The following DOCK3 variants were observed in gnomAD, a reference collection of about 807,000 sequenced individuals.
DOCK3 encodes the protein dedicator of cytokinesis protein 3.
Under a neutral mutation model 265.6 loss-of-function variants are expected in DOCK3, and 60 were observed. The ratio of observed to expected loss-of-function variants is 0.23; its 90% CI spans 0.18 to 0.28. DOCK3 has a LOEUF of 0.28. Ranked by LOEUF, DOCK3 falls within the 10% of genes least tolerant of loss-of-function variation. The pLI, the probability that DOCK3 is intolerant of heterozygous loss-of-function variation, is 1.00. For synonymous variants in DOCK3, 881 were observed against 938.0 expected (o/e 0.94, Z 1.11); for missense variants, 1,981 against 2,594.3 (o/e 0.76, Z 5.14).
intron 5 of DOCK3, among the ~76,000 whole-genome samples, chr3:51,043,698 T>C (rs1323333184): frequency 1.3e-5 from 2 of 151,788 alleles, no homozygotes; most frequent in Non-Finnish European, 2.9e-5. Flanking sequence ...AAATGTTTGA[T>C]ATCTAGTATC....
intron 1 of DOCK3, among the ~76,000 whole-genome samples, chr3:50,727,868 G>T (rs1246493052): frequency 2.0e-5 from 3 of 152,156 alleles, no homozygotes; most frequent in African/African-American, 7.2e-5. Flanking sequence ...AATAGCTGGA[G>T]ATTTTAACAT....
chr3:51,316,582 A>T (rs1263442048), intron 32 of DOCK3, among the ~76,000 whole-genome samples: 1 of 152,246 alleles, frequency 6.6e-6, no homozygotes. Context: ...AAGTCTCAGC[A>T]GCAGTATATA....
At chr3:50,931,235 C>A (rs1452538059) in intron 4 of DOCK3, among the ~76,000 whole-genome samples, 2 of 152,208 alleles carry the variant, frequency 1.3e-5, no homozygotes, top group African/African-American at 4.8e-5. Flanking sequence ...AGGGCTCTCT[C>A]TCCACCTGCT....
chr3:51,005,206 T>G (rs2078634880), intron 5 of DOCK3, among the ~76,000 whole-genome samples: 1 of 151,970 alleles, frequency 6.6e-6, no homozygotes. Context: ...TCACTTTGAG[T>G]TTATTTTCTC....
At chr3:51,362,091 G>A (rs2086780959) in intron 48 of DOCK3, 94 bp downstream of exon 48, 1 of 1,444,292 alleles carries the variant, frequency 6.9e-7, no homozygotes, top group Admixed American at 2.4e-5. Context: ...TGGCAACCCT[G>A]CCTAATTCTC....
At chr3:51,205,379 A>G (rs1373581501) in intron 12 of DOCK3, among the ~76,000 whole-genome samples, 1 of 152,002 alleles carries the variant, frequency 6.6e-6, no homozygotes, top group Non-Finnish European at 1.5e-5. Flanking sequence ...TGGGGTTAGG[A>G]CTAAAGAGAA....
chr3:51,077,912 A>C (rs1352347039), intron 7 of DOCK3, among the ~76,000 whole-genome samples: 3 of 152,156 alleles, frequency 2.0e-5, no homozygotes, highest in Non-Finnish European at 2.9e-5. Flanking sequence ...ATACAGTGAA[A>C]CCCAGTGGCC....
At chr3:50,756,212 C>T (rs1230054598) in intron 1 of DOCK3, among the ~76,000 whole-genome samples, 6 of 152,188 alleles carry the variant, frequency 3.9e-5, no homozygotes, top group Non-Finnish European at 8.8e-5. Context: ...AATTTGGGGA[C>T]GTTTTTCCCT....
At chr3:51,070,667 A>G (rs1213460185) in intron 6 of DOCK3, among the ~76,000 whole-genome samples, 2 of 152,174 alleles carry the variant, frequency 1.3e-5, no homozygotes, top group African/African-American at 4.8e-5. Flanking sequence ...TAAGCATTAG[A>G]AAAGGGCACT....
At chr3:50,869,082 C>G (rs139006980) in intron 3 of DOCK3, among the ~76,000 whole-genome samples, 1 of 148,978 alleles carries the variant, frequency 6.7e-6, no homozygotes, top group Non-Finnish European at 1.5e-5. Flanking sequence ...TCACGCCATT[C>G]TCCTGCCTCA....
At position 50,970,977 on chromosome 3, in the gene DOCK3, TA is replaced by T. The variant is rs1338248830; in HGVS notation, c.315+36901del. Among the ~76,000 whole-genome samples the T allele has an allele frequency of 7.7e-4, 18 of 23,514 alleles. 1 individual carries two copies. The East Asian group carries it at 0.01, about 13-fold the overall frequency. The allele number at this position is 23,514 out of a possible 152,430, so 15.4% of individuals were successfully genotyped here. ...GTGTGTGTGTGTGTGTATATATATA[TA>T]TTTTTTTTATTTTAATTTTTAATTT... On this transcript the variant is annotated intron_variant, in intron 5 of 52. Coordinates refer to ENST00000266037, the MANE Select transcript of DOCK3 (RefSeq NM_004947.5).
chr3:51,325,747 T>C (rs1279360810), intron 32 of DOCK3, among the ~76,000 whole-genome samples: 1 of 152,160 alleles, frequency 6.6e-6, no homozygotes, highest in Non-Finnish European at 1.5e-5. Context: ...AAAAGATGAG[T>C]TCATGTCCTT....
At chr3:51,042,871 G>A (rs1321769489) in intron 5 of DOCK3, among the ~76,000 whole-genome samples, 1 of 152,012 alleles carries the variant, frequency 6.6e-6, no homozygotes, top group African/African-American at 2.4e-5. Context: ...AAACACCTAG[G>A]AGTACAGCTA....
intron 41 of DOCK3, 128 bp from the exon 42 acceptor site, chr3:51,355,961 C>T (rs1471507936): frequency 8.5e-7 from 1 of 1,171,362 alleles, no homozygotes; most frequent in East Asian, 2.4e-5. Context: ...ATGCCACTGC[C>T]TCCCCTACTG....
chr3:50,802,259 T>C (rs1189199149), intron 2 of DOCK3, among the ~76,000 whole-genome samples: 1 of 152,218 alleles, frequency 6.6e-6, no homozygotes, highest in East Asian at 1.9e-4. Context: ...ATATTCTTTG[T>C]TTCTTACTTC....
At chr3:51,115,825 T>G (rs894485235) in intron 9 of DOCK3, among the ~76,000 whole-genome samples, 1 of 152,046 alleles carries the variant, frequency 6.6e-6, no homozygotes, top group Non-Finnish European at 1.5e-5. Flanking sequence ...TTTGTATAAG[T>G]CGTAAGGAAG....
chr3:51,032,751 A>G (rs1184390906), intron 5 of DOCK3, among the ~76,000 whole-genome samples: 2 of 152,102 alleles, frequency 1.3e-5, no homozygotes, highest in Non-Finnish European at 2.9e-5. Context: ...CTAAAAATTT[A>G]AAAACAAAAA....
At chr3:50,713,906 A>T (rs1294433205) in intron 1 of DOCK3, among the ~76,000 whole-genome samples, 1 of 152,176 alleles carries the variant, frequency 6.6e-6, no homozygotes, top group African/African-American at 2.4e-5. Flanking sequence ...ATATCTCTTG[A>T]GGTAAGGGTA....
intron 27 of DOCK3, among the ~76,000 whole-genome samples, chr3:51,296,754 A>G (rs1408525740): frequency 1.3e-5 from 2 of 152,158 alleles, no homozygotes; most frequent in East Asian, 3.9e-4. Context: ...TTGATTTTTT[A>G]TAATACTGCC....
Sources: gnomAD v4.1 joint callset for allele counts (sites outside exome capture counted in the v4.1 genomes callset) on GRCh38, gnomAD v4.1.1 for gene constraint, MANE v1.5 for transcripts, NCBI Gene and HGNC (gene_info 2026-07-23, HGNC 2026-07-21) for gene names.